The following CATSPERD variants were observed in gnomAD, a reference collection of about 807,000 sequenced individuals.
The protein encoded by CATSPERD is catsper channel auxiliary subunit delta.
Under a neutral mutation model 98.1 loss-of-function variants are expected in CATSPERD, and 86 were observed. That is an observed-to-expected ratio of 0.88 (90% CI 0.74 to 1.05). CATSPERD has a LOEUF of 1.05. Among genes scored for constraint, CATSPERD ranks in the 50% least tolerant of loss-of-function variants. The pLI, the probability that CATSPERD is intolerant of heterozygous loss-of-function variation, is 0.00. For synonymous variants in CATSPERD, 394 were observed against 390.2 expected (o/e 1.01, Z -0.12); for missense variants, 995 against 1,005.7 (o/e 0.99, Z 0.14).
chr19:5,772,247 A>ATTTT (rs2056661594), intron 19 of CATSPERD: 1 of 69,508 alleles, frequency 1.4e-5, no homozygotes, highest in Non-Finnish European at 2.9e-5. Context: ...TTTTTTTTTG[A>ATTTT]GACAGAGTCT....
chr19:5,775,376 G>A (rs564250386), intron 20 of CATSPERD: 90 of 444,376 alleles, frequency 2.0e-4, no homozygotes, highest in Middle Eastern at 3.4e-4. Context: ...AGGTGGCCAC[G>A]CCTGTAATCC....
At chr19:5,739,507 C>G in intron 7 of CATSPERD, 68 bp downstream of exon 7, 1 of 913,532 alleles carries the variant, frequency 1.1e-6, no homozygotes, top group Non-Finnish European at 1.7e-6. Flanking sequence ...TAATTGCTGT[C>G]AATGGGTGCG....
intron 9 of CATSPERD, 30 bp from the exon 10 acceptor site, chr19:5,748,130 G>A: frequency 6.4e-7 from 1 of 1,574,310 alleles, no homozygotes; most frequent in Non-Finnish European, 8.7e-7. Flanking sequence ...TGTACACGGG[G>A]CCTCATGCAC....
At chr19:5,753,068 C>T (rs1265531287) in intron 12 of CATSPERD, among the ~76,000 whole-genome samples, 2 of 151,320 alleles carry the variant, frequency 1.3e-5, no homozygotes, top group African/African-American at 4.9e-5. Flanking sequence ...AGACAGGAGT[C>T]TCCCTGTGTG....
At chr19:5,752,022 G>A (rs2056231236) in intron 12 of CATSPERD, among the ~76,000 whole-genome samples, 199 bp downstream of exon 12, 1 of 151,904 alleles carries the variant, frequency 6.6e-6, no homozygotes, top group African/African-American at 2.4e-5. Flanking sequence ...TTTTAAAGCT[G>A]GGCGTTGGCC....
intron 1 of CATSPERD, among the ~76,000 whole-genome samples, chr19:5,723,281 T>A (rs2055535378): frequency 1.3e-5 from 2 of 150,944 alleles, no homozygotes; most frequent in South Asian, 4.2e-4. Context: ...GGGAGAGGAG[T>A]TTCATACAAA....
chr19:5,737,269 T>A, intron 6 of CATSPERD, 64 bp downstream of exon 6: 1 of 1,150,530 alleles, frequency 8.7e-7, no homozygotes, highest in South Asian at 1.3e-5. Flanking sequence ...TAATCATGAG[T>A]AGACATAAAG....
At position 5,736,244 on chromosome 19, in the gene CATSPERD, C is replaced by T. The variant is rs561021641; in HGVS notation, c.392-894C>T. On this transcript the variant is annotated intron_variant, in intron 5 of 21. Coordinates refer to ENST00000381624, the MANE Select transcript of CATSPERD (RefSeq NM_152784.4). Reference sequence around the variant, plus strand: ...GGCAGTTCTGTCCCCCAAGAGGACACTTGGCAATGTCTGGAGACATTTTTG... The same window carrying T: ...GGCAGTTCTGTCCCCCAAGAGGACATTTGGCAATGTCTGGAGACATTTTTG... Among the ~76,000 whole-genome samples the T allele has an allele frequency of 2.0e-5, 3 of 152,148 alleles. No homozygotes were observed. The South Asian group carries it at 6.2e-4, about 32-fold the overall frequency.
At position 5,772,981 on chromosome 19, in the gene CATSPERD, G is replaced by T; in HGVS notation, c.1941+16G>T. 1 of 1,610,516 alleles carries T rather than the reference G, an allele frequency of 6.2e-7. No homozygotes were observed. The highest frequency in any genetic ancestry group is 8.5e-7 in the Non-Finnish European group (1 of 1,178,430). On this transcript the variant is annotated intron_variant, in intron 20 of 21. Coordinates refer to ENST00000381624, the MANE Select transcript of CATSPERD (RefSeq NM_152784.4). ...GAACAGAGAGGTAACAGGACCCTAG[G>T]ATCGTTTCCAGAAGAATCAGCAGCC...
intron 20 of CATSPERD, 149 bp from the exon 21 acceptor site, chr19:5,776,012 G>A (rs1024305077): frequency 2.6e-6 from 2 of 762,432 alleles, no homozygotes; most frequent in South Asian, 1.8e-5. Flanking sequence ...GCATGAACCT[G>A]CCCACACCAT....
intron 5 of CATSPERD, among the ~76,000 whole-genome samples, 175 bp from the exon 6 acceptor site, chr19:5,736,963 A>G (rs1370377717): frequency 6.6e-6 from 1 of 151,940 alleles, no homozygotes; most frequent in East Asian, 1.9e-4. Flanking sequence ...AGGCTGAGGC[A>G]GGAGAATGGC....
chr19:5,759,107 C>T lies in CATSPERD; in HGVS notation c.1390C>T (p.Gln464Ter). 1 of 1,613,844 alleles carries T rather than the reference C, an allele frequency of 6.2e-7. No individual in the cohort carries two copies. ...ACAGGATATTTTCCTAAAACAGCAG[C>T]AGCACTGGGGCAGGACCGACTCCAA... ...YKLDIFLKQQ[Q>*]HWGRTDSNFT... The change falls in exon 15 of 22, where the codon CAG (glutamine) becomes TAG (stop). Residue 464 changes from glutamine (Q) to a stop codon, truncating the protein, a stop_gained. Coordinates refer to ENST00000381624, the MANE Select transcript of CATSPERD (RefSeq NM_152784.4). LOFTEE classifies it high-confidence loss of function.
At chr19:5,721,926 T>G in intron 1 of CATSPERD, among the ~76,000 whole-genome samples, 2 of 148,188 alleles carry the variant, frequency 1.3e-5, no homozygotes, top group African/African-American at 5.0e-5. Context: ...GAGGTGGAGG[T>G]TGCAGTGAGC....
intron 15 of CATSPERD, among the ~76,000 whole-genome samples, chr19:5,760,039 A>ACT (rs1249672065): frequency 1.6e-5 from 2 of 124,486 alleles, no homozygotes; most frequent in African/African-American, 6.1e-5. Context: ...GTGGCACTGC[A>ACT]CTCCAGCCTG....
intron 20 of CATSPERD, among the ~76,000 whole-genome samples, chr19:5,773,454 G>A (rs1270241596): frequency 1.3e-5 from 2 of 152,124 alleles, no homozygotes; most frequent in Non-Finnish European, 2.9e-5. Context: ...AGAAATGCCT[G>A]GGACCATCCC....
In CATSPERD at chr19:5,736,481, C is replaced by A. The variant is rs536329848; in HGVS notation, c.392-657C>A. On this transcript the variant is annotated intron_variant, in intron 5 of 21. Transcript: ENST00000381624. ...CCTGTAATCCCAGCACTTTGGGAGG[C>A]CGAGGCGGGTGGATCACTCGAGGTC... 1.1e-3 allele frequency among the ~76,000 whole-genome samples: 173 copies of A among 152,184 alleles called. 1 individual carries two copies. Among genetic ancestry groups the A allele is most frequent in the African/African-American group, 4.1e-3 (170 of 41,540 alleles).
chr19:5,754,021 T>C, intron 12 of CATSPERD, 111 bp from the exon 13 acceptor site: 1 of 728,610 alleles, frequency 1.4e-6, no homozygotes, highest in Non-Finnish European at 2.4e-6. Flanking sequence ...GAGGCACAAG[T>C]GGAGATTCAG....
At chr19:5,721,159 C>T (rs1486396885) in intron 1 of CATSPERD, among the ~76,000 whole-genome samples, 1 of 151,706 alleles carries the variant, frequency 6.6e-6, no homozygotes, top group East Asian at 1.9e-4. Context: ...CCACCACGCC[C>T]GGCTAATTTT....
At chr19:5,746,232 C>T (rs1388312636) in intron 9 of CATSPERD, among the ~76,000 whole-genome samples, 169 bp downstream of exon 9, 1 of 152,192 alleles carries the variant, frequency 6.6e-6, no homozygotes, top group African/African-American at 2.4e-5. Context: ...GTGGATCTCT[C>T]TGCATCCTCC....
Sources: allele counts gnomAD v4.1 joint callset (sites outside exome capture counted in the v4.1 genomes callset), GRCh38; gene constraint gnomAD v4.1.1; transcripts MANE v1.5; gene names NCBI Gene and HGNC (gene_info 2026-07-23, HGNC 2026-07-21).